Variants in UGGT2 observed in about 807,000 individuals in gnomAD.
UGGT2 encodes UDP-glucose glycoprotein glucosyltransferase 2.
Under a neutral mutation model 192.1 loss-of-function variants are expected in UGGT2, and 180 were observed. The ratio of observed to expected loss-of-function variants is 0.94; its 90% CI spans 0.83 to 1.06. The LOEUF is 1.06. UGGT2 is among the 50% of genes least tolerant of loss of function. UGGT2 has a pLI of 0.00. For synonymous variants in UGGT2, 580 were observed against 591.0 expected (o/e 0.98, Z 0.27); for missense variants, 1,849 against 1,795.7 (o/e 1.03, Z -0.54).
At chr13:95,843,574 C>T (rs1161657314) in intron 36 of UGGT2, among the ~76,000 whole-genome samples, 1 of 152,074 alleles carries the variant, frequency 6.6e-6, no homozygotes, top group African/African-American at 2.4e-5. Flanking sequence ...CAGAGATTTT[C>T]TCCTATCTTC....
At chr13:95,967,862 T>C (rs902729237) in intron 12 of UGGT2, among the ~76,000 whole-genome samples, 2 of 152,200 alleles carry the variant, frequency 1.3e-5, no homozygotes, top group Non-Finnish European at 1.5e-5. Context: ...TATTTCATAG[T>C]GGTTATTATT....
Position 95,995,910 on chromosome 13 carries a change from T to C in UGGT2, c.830+153A>G, listed in dbSNP as rs942643357. On this transcript the variant is annotated intron_variant, in intron 7 of 38. Coordinates refer to ENST00000376747, the MANE Select transcript of UGGT2 (RefSeq NM_020121.4). Reference sequence around the variant, plus strand: ...TAGCTTTTTGACATTAGCCATGTGTTACTTCTGTAATAAATAAAAACAATC... The same window carrying C: ...TAGCTTTTTGACATTAGCCATGTGTCACTTCTGTAATAAATAAAAACAATC... 6.1e-6 allele frequency: 4 copies of C among 651,826 alleles called. No homozygotes were observed. In the South Asian group the frequency reaches 7.3e-5, roughly 12 times the overall value. 40.4% of individuals were successfully genotyped at this position (651,826 alleles called of 1,614,324 possible).
chr13:95,862,795 C>T (rs184301208), intron 31 of UGGT2, among the ~76,000 whole-genome samples: 1 of 152,218 alleles, frequency 6.6e-6, no homozygotes, highest in East Asian at 1.9e-4. Flanking sequence ...GTTTCCACAC[C>T]ACATCACCCA....
At chr13:95,810,995 CACAATAAGATGGTGA>C in intron 38 of UGGT2, among the ~76,000 whole-genome samples, 1 of 152,126 alleles carries the variant, frequency 6.6e-6, no homozygotes, top group Non-Finnish European at 1.5e-5. Context: ...CCAATAAGCA[CACAATAAGATGGTGA>C]ACATCATTTG....
intron 15 of UGGT2, among the ~76,000 whole-genome samples, chr13:95,946,187 T>A: frequency 6.6e-6 from 1 of 152,170 alleles, no homozygotes; most frequent in East Asian, 1.9e-4. Context: ...TCTTACTATC[T>A]CTTGTTCTTC....
intron 10 of UGGT2, among the ~76,000 whole-genome samples, chr13:95,975,835 G>A (rs946786213): frequency 7.2e-5 from 11 of 151,896 alleles, no homozygotes; most frequent in Admixed American, 1.3e-4. Flanking sequence ...TAATTTTCAC[G>A]GGTACATAAT....
At chr13:95,915,710 C>G (rs1338682838) in intron 20 of UGGT2, among the ~76,000 whole-genome samples, 1 of 152,204 alleles carries the variant, frequency 6.6e-6, no homozygotes, top group Admixed American at 6.5e-5. Context: ...TCCAGCCTGC[C>G]AGCTTTGGAG....
chr13:95,878,517 G>A (rs890225644), intron 27 of UGGT2, among the ~76,000 whole-genome samples: 2 of 151,976 alleles, frequency 1.3e-5, no homozygotes, highest in African/African-American at 4.8e-5. Flanking sequence ...TTAAATGGCT[G>A]GACATTCCAG....
At chr13:95,818,605 A>G (rs527588937) in intron 38 of UGGT2, among the ~76,000 whole-genome samples, 1 of 152,238 alleles carries the variant, frequency 6.6e-6, no homozygotes, top group South Asian at 2.1e-4. Context: ...AGGTGCTGAG[A>G]AGTCTCTAGC....
intron 38 of UGGT2, among the ~76,000 whole-genome samples, chr13:95,819,092 C>A (rs942575435): frequency 6.6e-6 from 1 of 151,956 alleles, no homozygotes; most frequent in Non-Finnish European, 1.5e-5. Flanking sequence ...GAAAACTTAC[C>A]CCAAAATCAC....
rs764635815 is a variant in UGGT2 at position 95,895,194 on chromosome 13, T to C, written c.2745A>G (p.Gly915=). The C allele has an allele frequency of 2.1e-5, 33 of 1,583,612 alleles. No homozygotes were observed. Among genetic ancestry groups the C allele is most frequent in the Non-Finnish European group, 2.7e-5 (32 of 1,172,408 alleles). Reference sequence around the variant, plus strand: ...TATATACTCACTTATTTGCGTTGATTCCCATATTTTCAACAATGCCTTTAA... The same window carrying C: ...TATATACTCACTTATTTGCGTTGATCCCCATATTTTCAACAATGCCTTTAA... ...EKIKGIVENM[G]INANNMSDFI... Residue 915 remains glycine (G), a synonymous_variant, in exon 23 of 39, where the codon GGA becomes GGG. Coordinates refer to ENST00000376747, the MANE Select transcript of UGGT2 (RefSeq NM_020121.4).
intron 19 of UGGT2, among the ~76,000 whole-genome samples, chr13:95,926,196 A>G (rs373773505): frequency 1.1e-3 from 167 of 152,226 alleles, no homozygotes; most frequent in African/African-American, 3.7e-3. Context: ...ATGTAGCCAG[A>G]CTCCTTTATG....
At chr13:95,853,110 TTC>T (rs1410638521) in intron 36 of UGGT2, among the ~76,000 whole-genome samples, 2 of 152,146 alleles carry the variant, frequency 1.3e-5, no homozygotes, top group African/African-American at 4.8e-5. Flanking sequence ...TGGGCACTCA[TTC>T]TCTCTCCTGC....
intron 20 of UGGT2, among the ~76,000 whole-genome samples, chr13:95,918,210 C>T (rs1400326808): frequency 6.6e-6 from 1 of 152,102 alleles, no homozygotes; most frequent in African/African-American, 2.4e-5. Flanking sequence ...CAAATTAGAA[C>T]TGAAGATTAA....
At chr13:95,967,422 G>A (rs2050618698) in intron 12 of UGGT2, among the ~76,000 whole-genome samples, 2 of 151,140 alleles carry the variant, frequency 1.3e-5, no homozygotes. Flanking sequence ...AAAGTGCTGG[G>A]ATTACAGGCG....
intron 17 of UGGT2, among the ~76,000 whole-genome samples, chr13:95,932,297 C>A (rs985220244): frequency 1.5e-5 from 2 of 129,204 alleles, no homozygotes; most frequent in African/African-American, 6.1e-5. Flanking sequence ...TAGCTGTATT[C>A]CTAGGTATTT....
intron 9 of UGGT2, chr13:95,985,353 C>G: frequency 9.1e-7 from 1 of 1,098,920 alleles, no homozygotes; most frequent in South Asian, 1.4e-5. Context: ...AATAAGGAAA[C>G]AAACTCCTTT....
At chr13:95,839,809 C>CT (rs1262840060) in intron 36 of UGGT2, among the ~76,000 whole-genome samples, 1 of 152,044 alleles carries the variant, frequency 6.6e-6, no homozygotes, top group Admixed American at 6.6e-5. Flanking sequence ...TATTGTCAAT[C>CT]TTTTTTATTG....
chr13:96,028,085 T>A (rs1020744333), intron 2 of UGGT2, among the ~76,000 whole-genome samples: 2 of 152,244 alleles, frequency 1.3e-5, no homozygotes, highest in African/African-American at 4.8e-5. Context: ...TTTATTCTCA[T>A]TCTGTGCCTT....
Sources: allele counts gnomAD v4.1 joint callset (sites outside exome capture counted in the v4.1 genomes callset), GRCh38; gene constraint gnomAD v4.1.1; transcripts MANE v1.5; gene names NCBI Gene and HGNC (gene_info 2026-07-23, HGNC 2026-07-21).